The following MROH1 variants were observed in gnomAD, a reference collection of about 807,000 sequenced individuals.
MROH1 encodes the protein maestro heat-like repeat-containing protein family member 1.
MROH1 carries 117 observed loss-of-function variants against 116.5 expected under a neutral mutation model. The ratio of observed to expected loss-of-function variants is 1.00; its 90% confidence interval spans 0.86 to 1.17. The LOEUF is 1.17. Among genes scored for constraint, MROH1 ranks in the 50% most tolerant of loss-of-function variants. MROH1 has a pLI of 0.00. For synonymous variants in MROH1, 921 were observed against 583.9 expected (o/e 1.58, Z -8.32); for missense variants, 1,873 against 1,338.5 (o/e 1.40, Z -6.23).
At chr8:144,230,358 G>C (rs559000000) in intron 14 of MROH1, among the ~76,000 whole-genome samples, 2 of 152,124 alleles carry the variant, frequency 1.3e-5, no homozygotes, top group African/African-American at 4.8e-5. Context: ...CTTATCATTC[G>C]TGTGTTCACT....
chr8:144,168,722 C>T (rs763653529), intron 4 of MROH1, among the ~76,000 whole-genome samples: 8 of 152,174 alleles, frequency 5.3e-5, no homozygotes, highest in Admixed American at 1.3e-4. Flanking sequence ...GCCTAATGGC[C>T]GGGCTGTGTG....
At chr8:144,195,395 G>A (rs1328838156) in intron 10 of MROH1, among the ~76,000 whole-genome samples, 5 of 147,614 alleles carry the variant, frequency 3.4e-5, no homozygotes, top group African/African-American at 4.9e-5. Context: ...CCAGCTACTC[G>A]GGAGGCTGAG....
In MROH1 at chr8:144,254,846, G is replaced by A; in HGVS notation, c.3462G>A (p.Val1154=). The change falls in exon 34 of 44, where the codon GTG becomes GTA. Residue 1154 remains valine (V), a synonymous_variant. Coordinates refer to ENST00000326134, the MANE Select transcript of MROH1 (RefSeq NM_032450.3). ...GCATGCTGTGGCGGGCGCTGGCGGT[G>A]GAGCCTCGCCTAGCTGCCCAGGTCC... ...HTCMLWRALA[V]EPRLAAQVLG... is the part of the protein sequence containing the mutation. The A allele has an allele frequency of 1.3e-6, 1 of 777,372 alleles. No homozygotes were observed. Among genetic ancestry groups the A allele is most frequent in the East Asian group, 2.4e-5 (1 of 41,234 alleles). The allele number at this position is 777,372 out of a possible 1,614,324, so 48.2% of individuals were successfully genotyped here. A position where few individuals can be genotyped will look rare whatever the true frequency, so the allele number is the denominator to read the frequency against.
At chr8:144,225,907 T>C (rs1334809727) in intron 14 of MROH1, among the ~76,000 whole-genome samples, 1 of 126,516 alleles carries the variant, frequency 7.9e-6, no homozygotes, top group Non-Finnish European at 1.6e-5. Context: ...TGATTCATTT[T>C]TAGTTTTTTT....
At chr8:144,236,835 C>G (rs1398013003) in intron 14 of MROH1, among the ~76,000 whole-genome samples, 1 of 149,608 alleles carries the variant, frequency 6.7e-6, no homozygotes, top group African/African-American at 2.5e-5. Flanking sequence ...GGTTTTCTAA[C>G]TCCAGTGATA....
intron 32 of MROH1, among the ~76,000 whole-genome samples, chr8:144,249,305 A>G (rs973428349): frequency 7.3e-5 from 11 of 151,542 alleles, no homozygotes; most frequent in Non-Finnish European, 1.0e-4. Flanking sequence ...AAGTGCTGAG[A>G]GAATAAGGGG....
intron 33 of MROH1, chr8:144,250,812 A>T (rs1367516758): frequency 2.9e-6 from 1 of 344,506 alleles, no homozygotes; most frequent in Non-Finnish European, 5.7e-6. Flanking sequence ...GAGCCCCCTC[A>T]GGAGCCCAAG....
chr8:144,245,251 G>A lies in MROH1; in HGVS notation c.2862G>A (p.Leu954=). 1.3e-6 allele frequency: 1 copy of A among 777,746 alleles called. No individual in the cohort carries two copies. The highest frequency in any genetic ancestry group is 2.4e-6 in the Non-Finnish European group (1 of 417,760). The allele number at this position is 777,746 out of a possible 1,614,324, so 48.2% of individuals were successfully genotyped here. The stretch of plus-strand genomic sequence containing the variant: ...TGCTGCGCTACTTCCTGGAGCACCT[G>A]CGTGTCAGCGTGAGTACCTGGGTCC... ...ALLLRYFLEH[L]RVSALVPFHN... The change falls in exon 29 of 44, where the codon CTG becomes CTA. Residue 954 remains leucine (L), a synonymous_variant. Coordinates refer to ENST00000326134, the MANE Select transcript of MROH1 (RefSeq NM_032450.3).
chr8:144,159,765 A>AT (rs1161961224), intron 1 of MROH1, among the ~76,000 whole-genome samples: 101,655 of 123,728 alleles, frequency 0.82, 43,227 homozygotes, highest in East Asian at 0.97. Flanking sequence ...ACGCCTGGTA[A>AT]TTTTTTTTTT....
intron 7 of MROH1, among the ~76,000 whole-genome samples, chr8:144,186,988 C>T (rs1016575824): frequency 7.2e-5 from 11 of 152,116 alleles, no homozygotes; most frequent in African/African-American, 1.7e-4. Flanking sequence ...GTCCCAGCTA[C>T]TCAGGAGGCT....
intron 1 of MROH1, among the ~76,000 whole-genome samples, chr8:144,153,062 G>C (rs1267401865): frequency 9.2e-5 from 14 of 152,166 alleles, no homozygotes; most frequent in African/African-American, 3.1e-4. Context: ...GTTCTACTCT[G>C]CTTCTAGGAG....
In MROH1 at chr8:144,254,818, C is replaced by G; in HGVS notation, c.3434C>G (p.Thr1145Ser). The G allele has an allele frequency of 7.7e-6, 6 of 777,096 alleles. No individual in the cohort carries two copies. Among genetic ancestry groups the G allele is most frequent in the Non-Finnish European group, 1.4e-5 (6 of 417,574 alleles). The allele number at this position is 777,096 out of a possible 1,614,324, so 48.1% of individuals were successfully genotyped here. The part of the protein sequence containing the change: ...LGSPLPLDSH[T>S]CMLWRALAVE... Reference sequence around the variant, plus strand: ...ACTCTCCTGCTCTGCTCCAGCCACACCTGCATGCTGTGGCGGGCGCTGGCG... The same window carrying G: ...ACTCTCCTGCTCTGCTCCAGCCACAGCTGCATGCTGTGGCGGGCGCTGGCG... Residue 1145 changes from threonine (T) to serine (S), a missense_variant, in exon 34 of 44, where the codon ACC (threonine) becomes AGC (serine). Coordinates refer to ENST00000326134, the MANE Select transcript of MROH1 (RefSeq NM_032450.3).
intron 29 of MROH1, among the ~76,000 whole-genome samples, 168 bp downstream of exon 29, chr8:144,245,428 C>G (rs1463133425): frequency 6.6e-6 from 1 of 152,248 alleles, no homozygotes; most frequent in African/African-American, 2.4e-5. Context: ...TCAGGGATGG[C>G]TGCTCAGAAT....
chr8:144,258,329 G>T (rs1281001811), intron 35 of MROH1, among the ~76,000 whole-genome samples: 1 of 152,202 alleles, frequency 6.6e-6, no homozygotes, highest in Non-Finnish European at 1.5e-5. Flanking sequence ...CCGACACTGG[G>T]AGTGGATCAG....
At chr8:144,259,041 G>A (rs1844467435) in intron 36 of MROH1, 127 bp downstream of exon 36, 1 of 643,618 alleles carries the variant, frequency 1.6e-6, no homozygotes. Flanking sequence ...GCTCCTGCCT[G>A]TTCACTCTCT....
At chr8:144,198,486 C>T (rs1218777492) in intron 10 of MROH1, among the ~76,000 whole-genome samples, 4 of 152,194 alleles carry the variant, frequency 2.6e-5, no homozygotes, top group Non-Finnish European at 5.9e-5. Flanking sequence ...GGCACCATTA[C>T]AGCTCACTGT....
intron 7 of MROH1, among the ~76,000 whole-genome samples, chr8:144,184,486 T>C (rs1044885454): frequency 1.3e-5 from 2 of 151,952 alleles, no homozygotes; most frequent in Non-Finnish European, 2.9e-5. Context: ...AGGATAAAAA[T>C]AGCAAGGTAA....
At chr8:144,232,263 G>A (rs1408724793) in intron 14 of MROH1, among the ~76,000 whole-genome samples, 1 of 152,084 alleles carries the variant, frequency 6.6e-6, no homozygotes, top group African/African-American at 2.4e-5. Flanking sequence ...GAGAGGCACT[G>A]TTTTTGCTCC....
intron 7 of MROH1, among the ~76,000 whole-genome samples, chr8:144,188,762 G>A (rs62530351): frequency 2.5e-4 from 38 of 152,196 alleles, no homozygotes; most frequent in East Asian, 1.9e-4. Flanking sequence ...CACTGCGTCC[G>A]GCCACTGCCT....
Sources: allele counts gnomAD v4.1 joint callset (sites outside exome capture counted in the v4.1 genomes callset), GRCh38; gene constraint gnomAD v4.1.1; transcripts MANE v1.5; gene names NCBI Gene and HGNC (gene_info 2026-07-23, HGNC 2026-07-21).